TULP4: variants seen among roughly 807,000 people sequenced by gnomAD.
TULP4 encodes the protein TUB like protein 4.
In TULP4, 16 loss-of-function variants were observed where a neutral mutation model predicts 129.0. The ratio of observed to expected loss-of-function variants is 0.12; its 90% CI spans 0.08 to 0.19. The LOEUF (loss-of-function observed/expected upper bound fraction) is 0.19. Among genes scored for constraint, TULP4 ranks in the 10% least tolerant of loss-of-function variants. The probability of loss-of-function intolerance (pLI) is 1.00; values close to 1 mark genes in which losing one functional copy is unlikely to be tolerated. For missense variants in TULP4, 1,842 were observed against 2,059.1 expected (o/e 0.89, Z 2.04); for synonymous variants, 998 against 854.0 (o/e 1.17, Z -2.94).
intron 3 of TULP4, among the ~76,000 whole-genome samples, chr6:158,440,515 A>C (rs1253098986): frequency 6.6e-6 from 1 of 152,134 alleles, no homozygotes; most frequent in African/African-American, 2.4e-5. Flanking sequence ...CAACGCAAAG[A>C]GTGATCCTTT....
In TULP4 at chr6:158,356,804, T is replaced by G. The variant is rs550759375; in HGVS notation, c.252+42536T>G. ...GATGAAACAGAGGGGACCTGGAGGC[T>G]GGTGTAAGGAGGAGCTGAAGCTGTA... On this transcript the variant is annotated intron_variant, in intron 1 of 13. Coordinates refer to ENST00000367097, the MANE Select transcript of TULP4 (RefSeq NM_020245.5). Among the ~76,000 whole-genome samples, 10 of 152,084 alleles carry G rather than the reference T, an allele frequency of 6.6e-5. No homozygotes were observed. The South Asian group carries it at 2.1e-3, about 32-fold the overall frequency.
At chr6:158,390,375 AAAAAG>A (rs1437396512) in intron 1 of TULP4, among the ~76,000 whole-genome samples, 34 of 152,182 alleles carry the variant, frequency 2.2e-4, no homozygotes, top group African/African-American at 7.5e-4. Flanking sequence ...CTTAAAAAAA[AAAAAG>A]AAAAAGAGTG....
At chr6:158,287,313 C>A (rs947266999) in intron 1 of TULP4, among the ~76,000 whole-genome samples, 9 of 152,002 alleles carry the variant, frequency 5.9e-5, no homozygotes, top group Admixed American at 2.0e-4. Flanking sequence ...GTTTATTGGC[C>A]TATAAAATAA....
At chr6:158,374,787 G>C (rs1307377724) in intron 1 of TULP4, among the ~76,000 whole-genome samples, 3 of 152,100 alleles carry the variant, frequency 2.0e-5, no homozygotes, top group Admixed American at 6.6e-5. Flanking sequence ...ACTCATGAAT[G>C]GTACCTCCTG....
chr6:158,313,973 G>T lies in TULP4; in HGVS notation c.-44G>T, dbSNP rs191758294. On this transcript the variant is annotated 5_prime_UTR_variant, in exon 1 of 14. Coordinates refer to ENST00000367097, the MANE Select transcript of TULP4 (RefSeq NM_020245.5). ...GAAAGAAATTGGTTTAAATTTCACA[G>T]CATTAACATTACTTTTTAAGTAAAA... The T allele has an allele frequency of 3.8e-4, 607 of 1,597,586 alleles. 4 individuals are homozygous for T. The African/African-American group carries it at 6.7e-3, about 18-fold the overall frequency.
At chr6:158,272,514 A>C (rs1258599851) in intron 1 of TULP4, among the ~76,000 whole-genome samples, 3 of 152,178 alleles carry the variant, frequency 2.0e-5, no homozygotes, top group Non-Finnish European at 4.4e-5. Context: ...AGGAGACAGA[A>C]AGAATCACAA....
chr6:158,374,916 T>C (rs1035740590), intron 1 of TULP4, among the ~76,000 whole-genome samples: 1 of 152,212 alleles, frequency 6.6e-6, no homozygotes, highest in Non-Finnish European at 1.5e-5. Context: ...TCTTTAACAT[T>C]GTGGACTTGC....
At chr6:158,396,499 G>T (rs148636235) in intron 1 of TULP4, among the ~76,000 whole-genome samples, 373 of 152,270 alleles carry the variant, frequency 2.4e-3, no homozygotes, top group African/African-American at 8.6e-3. Flanking sequence ...AGGTAGTGTG[G>T]AGGAAATAAT....
intron 1 of TULP4, among the ~76,000 whole-genome samples, chr6:158,264,230 G>C (rs971955121): frequency 6.6e-6 from 1 of 152,206 alleles, no homozygotes; most frequent in Non-Finnish European, 1.5e-5. Flanking sequence ...AAGCGCAGGA[G>C]CCCATTCAGA....
At chr6:158,374,485 C>T (rs779681049) in intron 1 of TULP4, among the ~76,000 whole-genome samples, 32 of 152,278 alleles carry the variant, frequency 2.1e-4, no homozygotes, top group Middle Eastern at 6.8e-3. Context: ...GGCGCTCTGC[C>T]GGATCAGGGA....
At chr6:158,348,155 CTTT>C (rs66811333) in intron 1 of TULP4, among the ~76,000 whole-genome samples, 49 of 121,628 alleles carry the variant, frequency 4.0e-4, no homozygotes, top group African/African-American at 5.2e-4. Context: ...ATGTTTTGGT[CTTT>C]TTTTTTTTTT....
At position 158,503,314 on chromosome 6, in the gene TULP4, G is replaced by A; in HGVS notation, c.3651G>A (p.Gln1217=). Residue 1217 remains glutamine, a synonymous_variant, in exon 13 of 14, where the codon CAG becomes CAA. Transcript: ENST00000367097. This position sits in a 1 kb window ranked among gnomAD's most constrained non-coding sequence, Gnocchi z 4.3. ...CSPKDALSPT[Q]FAQQEPAVVL... is the part of the protein sequence containing the mutation. ...CCAAAGATGCCCTGTCCCCAACGCA[G>A]TTTGCACAACAGGAGCCTGCTGTGG... 6.2e-7 allele frequency: 1 copy of A among 1,613,780 alleles called. No individual in the cohort carries two copies. Among genetic ancestry groups the A allele is most frequent in the Non-Finnish European group, 8.5e-7 (1 of 1,179,930 alleles).
At chr6:158,505,587 C>G (rs1218526680) in intron 13 of TULP4, among the ~76,000 whole-genome samples, 1 of 152,246 alleles carries the variant, frequency 6.6e-6, no homozygotes, top group African/African-American at 2.4e-5. Context: ...AGACAGAGCC[C>G]CGCCGCTGTG....
intron 2 of TULP4, among the ~76,000 whole-genome samples, chr6:158,417,200 G>A (rs1224983987): frequency 3.3e-5 from 5 of 152,212 alleles, no homozygotes; most frequent in African/African-American, 1.2e-4. Context: ...TCTCCTAGCA[G>A]TAGCCTCTGT....
In TULP4 at chr6:158,504,136, G is replaced by A; in HGVS notation, c.4473G>A (p.Gln1491=). 1 of 1,606,862 alleles carries A rather than the reference G, an allele frequency of 6.2e-7. No individual in the cohort carries two copies. Among genetic ancestry groups the A allele is most frequent in the African/African-American group, 1.3e-5 (1 of 75,000 alleles). ...YQLDFGGRVT[Q]ESAKNFQIEL... The stretch of plus-strand genomic sequence containing the variant: ...TGGACTTCGGGGGGCGGGTGACCCA[G>A]GAGTCCGCCAAGAACTTCCAGATTG... The change falls in exon 13 of 14, where the codon CAG becomes CAA. Residue 1491 remains glutamine (Q), a synonymous_variant. Coordinates refer to ENST00000367097, the MANE Select transcript of TULP4 (RefSeq NM_020245.5).
chr6:158,491,968 C>T lies in TULP4; in HGVS notation c.1632-1605C>T, dbSNP rs533104591. 1.8e-3 allele frequency among the ~76,000 whole-genome samples: 274 copies of T among 152,228 alleles called. 2 individuals are homozygous for T. Among genetic ancestry groups the T allele is most frequent in the Non-Finnish European group, 2.4e-3 (165 of 68,024 alleles). ...TCACCTCCTGGGTTCAAGTGACTCT[C>T]CTGCTTCAGCCTCCTGAGTAGCTGG... is the stretch of plus-strand genomic sequence containing the variant. On this transcript the variant is annotated intron_variant, in intron 9 of 13. Coordinates refer to ENST00000367097, the MANE Select transcript of TULP4 (RefSeq NM_020245.5).
chr6:158,240,062 C>A (rs1777840668), intron 1 of TULP4, among the ~76,000 whole-genome samples: 1 of 108,016 alleles, frequency 9.3e-6, no homozygotes, highest in Non-Finnish European at 2.1e-5. Context: ...CACCTCCCTC[C>A]CGGACGGGGC....
At chr6:158,324,380 A>G (rs1401615985) in intron 1 of TULP4, among the ~76,000 whole-genome samples, 1 of 152,228 alleles carries the variant, frequency 6.6e-6, no homozygotes, top group Non-Finnish European at 1.5e-5. Flanking sequence ...GATGTACTGC[A>G]GAGTGCTATA....
chr6:158,482,306 CGCTGTACACAGGT>C lies in TULP4; in HGVS notation c.1486+1020_1486+1032del, dbSNP rs967081711. Among the ~76,000 whole-genome samples the C allele has an allele frequency of 2.7e-4, 41 of 152,324 alleles. 1 individual carries two copies. The South Asian group carries it at 6.8e-3, about 25-fold the overall frequency. ...TTGCTCACTCTCAACTTGTACTCAG[CGCTGTACACAGGT>C]GCCCCACCTCTGCCTGCCAGCCTTC... On this transcript the variant is annotated intron_variant, in intron 8 of 13. Coordinates refer to ENST00000367097, the MANE Select transcript of TULP4 (RefSeq NM_020245.5).
Sources: gnomAD v4.1 joint callset for allele counts (sites outside exome capture counted in the v4.1 genomes callset) on GRCh38, gnomAD v4.1.1 for gene constraint, Gnocchi (gnomAD v3.1) non-coding constraint, MANE v1.5 for transcripts, NCBI Gene and HGNC (gene_info 2026-07-23, HGNC 2026-07-21) for gene names.